Variants in CREB3L2 observed in about 807,000 individuals in gnomAD.
The protein encoded by CREB3L2 is cyclic AMP-responsive element-binding protein 3-like protein 2.
A neutral mutation model predicts 57.2 loss-of-function variants in CREB3L2; 23 were observed. That is an observed-to-expected ratio of 0.40 (90% CI 0.29 to 0.57). CREB3L2 has a LOEUF of 0.57. Among genes scored for constraint, CREB3L2 ranks in the 20% least tolerant of loss-of-function variants. The pLI, the probability that CREB3L2 is intolerant of heterozygous loss-of-function variation, is 0.42. For missense variants in CREB3L2, 628 were observed against 634.7 expected (o/e 0.99, Z 0.11); for synonymous variants, 268 against 265.1 (o/e 1.01, Z -0.11).
chr7:137,969,340 C>CTTTTT (rs71177936), intron 1 of CREB3L2, among the ~76,000 whole-genome samples: 12 of 77,068 alleles, frequency 1.6e-4, no homozygotes, highest in South Asian at 9.1e-4. Flanking sequence ...TTATGATCTT[C>CTTTTT]TTTTTTTTTT....
At chr7:137,924,561 T>TAA (rs1392100635) in intron 2 of CREB3L2, among the ~76,000 whole-genome samples, 1 of 152,246 alleles carries the variant, frequency 6.6e-6, no homozygotes, top group Non-Finnish European at 1.5e-5. Context: ...TCTCAAAGCA[T>TAA]AAAAGTATCA....
At chr7:137,887,728 C>A (rs1356861752) in intron 8 of CREB3L2, among the ~76,000 whole-genome samples, 1 of 151,860 alleles carries the variant, frequency 6.6e-6, no homozygotes, top group African/African-American at 2.4e-5. Context: ...AAAAAAATTT[C>A]TATGCGTTTC....
chr7:137,947,487 G>T (rs1448750304), intron 1 of CREB3L2, among the ~76,000 whole-genome samples: 1 of 152,160 alleles, frequency 6.6e-6, no homozygotes, highest in African/African-American at 2.4e-5. Context: ...TGGGGGTGTA[G>T]TCCTGGCCTG....
chr7:137,901,013 A>G (rs571370573), intron 8 of CREB3L2, among the ~76,000 whole-genome samples: 1 of 152,268 alleles, frequency 6.6e-6, no homozygotes, highest in South Asian at 2.1e-4. Context: ...TGTCATGATC[A>G]GCTTCTTCTT....
chr7:137,978,355 G>C (rs1458604669), intron 1 of CREB3L2, among the ~76,000 whole-genome samples: 1 of 152,260 alleles, frequency 6.6e-6, no homozygotes, highest in East Asian at 1.9e-4. Context: ...TGAAAACACT[G>C]GGTCCAAATT....
In CREB3L2 at chr7:138,001,801, C is replaced by G; in HGVS notation, c.-96G>C. ...CAAGGTTCCTCTCTCTCCGCGTGTG[C>G]TTGCGTGTGTGCGCGCGCGTGTCTG... On this transcript the variant is annotated 5_prime_UTR_variant, in exon 1 of 12. Transcript: ENST00000330387. This position sits in a 1 kb window ranked among gnomAD's most constrained non-coding sequence, Gnocchi z 4.2. 1 of 842,354 alleles carries G rather than the reference C, an allele frequency of 1.2e-6. No individual in the cohort carries two copies. The highest frequency in any genetic ancestry group is 1.7e-6 in the Non-Finnish European group (1 of 574,724). 52.2% of individuals were successfully genotyped at this position (842,354 alleles called of 1,614,324 possible). A position where few individuals can be genotyped will look rare whatever the true frequency, so the allele number is the denominator to read the frequency against.
chr7:137,877,177 G>C lies in CREB3L2; in HGVS notation c.*3299C>G, dbSNP rs1225681672. On this transcript the variant is annotated 3_prime_UTR_variant, in exon 12 of 12. Coordinates refer to ENST00000330387, the MANE Select transcript of CREB3L2 (RefSeq NM_194071.4). ...TTCACAAGCTGAACCAAGAGATTTAGGAAGAAAAAAAAAAACATGGTAATT... is the reference window on the plus strand; with the variant it reads ...TTCACAAGCTGAACCAAGAGATTTACGAAGAAAAAAAAAAACATGGTAATT... 1 of 227,298 alleles carries C rather than the reference G, an allele frequency of 4.4e-6. No individual in the cohort carries two copies. The highest frequency in any genetic ancestry group is 6.3e-5 in the East Asian group (1 of 15,978). The allele number at this position is 227,298 out of a possible 1,614,324, so 14.1% of individuals were successfully genotyped here. A position where few individuals can be genotyped will look rare whatever the true frequency, so the allele number is the denominator to read the frequency against.
intron 2 of CREB3L2, chr7:137,922,798 A>G (rs188329297): frequency 4.2e-6 from 1 of 240,734 alleles, no homozygotes; most frequent in East Asian, 1.2e-4. Flanking sequence ...TATAAATTAA[A>G]TAAATATGCC....
chr7:137,979,705 A>G (rs9969191), intron 1 of CREB3L2, among the ~76,000 whole-genome samples: 50,183 of 151,128 alleles, frequency 0.33, 10,273 homozygotes, highest in African/African-American at 0.59. Context: ...CAGCCTGGGC[A>G]ACAGATCGAG....
intron 8 of CREB3L2, among the ~76,000 whole-genome samples, chr7:137,885,969 G>A (rs1054857937): frequency 2.0e-4 from 31 of 152,258 alleles, no homozygotes; most frequent in Admixed American, 7.8e-4. Flanking sequence ...GATGGGATTC[G>A]TGCCCTTATA....
chr7:137,920,983 T>C (rs931159973), intron 2 of CREB3L2, among the ~76,000 whole-genome samples: 1 of 152,246 alleles, frequency 6.6e-6, no homozygotes, highest in Non-Finnish European at 1.5e-5. Flanking sequence ...TATCACAATG[T>C]TTCTCCATGT....
At chr7:137,943,759 T>A (rs1800916637) in intron 1 of CREB3L2, among the ~76,000 whole-genome samples, 1 of 152,186 alleles carries the variant, frequency 6.6e-6, no homozygotes, top group Admixed American at 6.5e-5. Flanking sequence ...AGATGATTCT[T>A]CATTAATGAG....
intron 1 of CREB3L2, among the ~76,000 whole-genome samples, chr7:137,944,944 G>A (rs1284774201): frequency 1.3e-5 from 2 of 152,058 alleles, no homozygotes; most frequent in African/African-American, 4.8e-5. Context: ...CCAGGCTGGA[G>A]TGCAGTGGCA....
intron 1 of CREB3L2, among the ~76,000 whole-genome samples, chr7:137,972,625 T>A (rs1289382665): frequency 7.3e-6 from 1 of 137,710 alleles, no homozygotes; most frequent in East Asian, 2.1e-4. Flanking sequence ...AGTGGGAGGA[T>A]AGTTTGAGGC....
intron 1 of CREB3L2, among the ~76,000 whole-genome samples, chr7:137,963,428 G>A (rs1387744307): frequency 2.0e-5 from 3 of 152,184 alleles, no homozygotes; most frequent in African/African-American, 7.2e-5. Context: ...CCTCGTACTT[G>A]ACTTTGTTAG....
chr7:137,914,240 C>G (rs954367921), intron 3 of CREB3L2, among the ~76,000 whole-genome samples: 1 of 151,860 alleles, frequency 6.6e-6, no homozygotes, highest in Non-Finnish European at 1.5e-5. Context: ...CTGATGGTAT[C>G]TAATCACGAA....
chr7:137,896,700 C>T (rs1208281199), intron 8 of CREB3L2, among the ~76,000 whole-genome samples: 1 of 152,072 alleles, frequency 6.6e-6, no homozygotes, highest in African/African-American at 2.4e-5. Flanking sequence ...GCGTTATCCA[C>T]GAGGAGAGGT....
chr7:137,893,117 T>G (rs1799556633), intron 8 of CREB3L2, among the ~76,000 whole-genome samples: 1 of 152,166 alleles, frequency 6.6e-6, no homozygotes, highest in African/African-American at 2.4e-5. Flanking sequence ...CTTCCTGTGT[T>G]AATTGCTACA....
intron 1 of CREB3L2, among the ~76,000 whole-genome samples, chr7:137,966,546 A>T (rs1453505409): frequency 6.6e-6 from 1 of 152,220 alleles, no homozygotes; most frequent in African/African-American, 2.4e-5. Flanking sequence ...TGGATAAAAG[A>T]AGAAGATTAC....
Sources: allele counts gnomAD v4.1 joint callset (sites outside exome capture counted in the v4.1 genomes callset), GRCh38; gene constraint gnomAD v4.1.1; non-coding constraint Gnocchi (gnomAD v3.1); transcripts MANE v1.5; gene names NCBI Gene and HGNC (gene_info 2026-07-23, HGNC 2026-07-21).